The following PYCR3 variants were observed in gnomAD, a reference collection of about 807,000 sequenced individuals.
PYCR3 encodes pyrroline-5-carboxylate reductase 3.
PYCR3 carries 26 observed loss-of-function variants against 23.4 expected under a neutral mutation model. The observed-to-expected ratio is 1.11, with a 90% confidence interval of 0.81 to 1.54. The LOEUF is 1.54. PYCR3 is among the 40% of genes most tolerant of loss of function. The pLI, the probability that PYCR3 is intolerant of heterozygous loss-of-function variation, is 0.00. For synonymous variants in PYCR3, 194 were observed against 162.6 expected (o/e 1.19, Z -1.47); for missense variants, 360 against 376.3 (o/e 0.96, Z 0.36).
intron 5 of PYCR3, 50 bp from the exon 6 acceptor site, chr8:143,605,932 A>C (rs776960199): frequency 6.4e-7 from 1 of 1,573,806 alleles, no homozygotes; most frequent in East Asian, 2.3e-5. Flanking sequence ...TGCGGTCCCC[A>C]CTGTGCGGCC....
At chr8:143,608,429 A>T in intron 1 of PYCR3, 2 of 450,328 alleles carry the variant, frequency 4.4e-6, no homozygotes, top group South Asian at 4.9e-5. Flanking sequence ...GGCTGCCTGG[A>T]GCAGAAGAGG....
In PYCR3 at chr8:143,608,017, A is replaced by G. The variant is rs1252493181; in HGVS notation, c.156+45T>C. ...CTTAGTGGGACAGGAGCCAAGAGCT[A>G]TCCTGGGCTCCTGAGGGTATGAAGA... is the stretch of plus-strand genomic sequence containing the variant. On this transcript the variant is annotated intron_variant, in intron 2 of 5. Transcript: ENST00000495276. The G allele has an allele frequency of 3.0e-5, 44 of 1,443,840 alleles. 2 individuals carry two copies. The Admixed American group carries it at 7.2e-4, about 24-fold the overall frequency. 89.4% of individuals were successfully genotyped at this position (1,443,840 alleles called of 1,614,324 possible).
In PYCR3 at chr8:143,604,695, C is replaced by G. The variant is rs1724013795; in HGVS notation, c.*1005G>C. ...CTGAGGCTGTCCGGCCCGGGCCCTC[C>G]CCACCCAAAGGCCCTAGAACCCTAG... On this transcript the variant is annotated 3_prime_UTR_variant, in exon 6 of 6. Transcript: ENST00000495276. 3.0e-6 allele frequency: 1 copy of G among 331,758 alleles called. No individual in the cohort carries two copies. Among genetic ancestry groups the G allele is most frequent in the Non-Finnish European group, 5.9e-6 (1 of 170,904 alleles). The allele number at this position is 331,758 out of a possible 1,614,324, so 20.6% of individuals were successfully genotyped here.
At chr8:143,606,778 T>C in intron 3 of PYCR3, 99 bp from the exon 4 acceptor site, 1 of 1,371,894 alleles carries the variant, frequency 7.3e-7, no homozygotes, top group Non-Finnish European at 9.9e-7. Flanking sequence ...CAGCTCGCGG[T>C]GGGCTCCAGC....
rs1200318284 is a variant in PYCR3, at chr8:143,609,497, G to T, written c.52C>A (p.Arg18Ser). Residue 18 changes from arginine to serine, a missense_variant, in exon 1 of 6, where the codon CGC becomes AGC. Arg to Ser is a moderately radical substitution (Grantham distance 110). Coordinates refer to ENST00000495276, the MANE Select transcript of PYCR3 (RefSeq NM_023078.6). ...PRRVGFVGAGRMAGAIAQGLI... is the reference protein window; with the variant it reads ...PRRVGFVGAGSMAGAIAQGLI... ...CCCTGCGCGATGGCCCCCGCCATGC[G>T]GCCCGCGCCCACGAAGCCCACGCGC... is the stretch of plus-strand genomic sequence containing the variant. 2 of 1,514,550 alleles carry T rather than the reference G, an allele frequency of 1.3e-6. No homozygotes were observed. The highest frequency in any genetic ancestry group is 4.1e-5 in the Admixed American group (2 of 49,250). 93.8% of individuals were successfully genotyped at this position (1,514,550 alleles called of 1,614,324 possible). A position where few individuals can be genotyped will look rare whatever the true frequency, so the allele number is the denominator to read the frequency against.
At position 143,607,795 on chromosome 8, in the gene PYCR3, ACATATACACACGTG is replaced by A. The variant is rs1554600289; in HGVS notation, c.156+253_156+266del. On this transcript the variant is annotated intron_variant, in intron 2 of 5. Transcript: ENST00000495276. ...TACACACATGCACACGCATAGCCTC[ACATATACACACGTG>A]CATATACACACACTCACGGACATGC... 6.6e-5 allele frequency among the ~76,000 whole-genome samples: 10 copies of A among 152,214 alleles called. No homozygotes were observed. In the East Asian group the frequency reaches 9.7e-4, roughly 15 times the overall value.
rs1829313047 is a variant in PYCR3, at chr8:143,603,744, G to C, written c.*1956C>G. ...GGGGTGACAGCGTGCAGGGGAAACT[G>C]CAATTCCATGCCCTACAAAGCCCCC... On this transcript the variant is annotated 3_prime_UTR_variant, in exon 6 of 6. Coordinates refer to ENST00000495276, the MANE Select transcript of PYCR3 (RefSeq NM_023078.6). 6.6e-6 allele frequency among the ~76,000 whole-genome samples: 1 copy of C among 152,174 alleles called. No homozygotes were observed. The highest frequency in any genetic ancestry group is 2.1e-4 in the South Asian group (1 of 4,832).
chr8:143,604,718 TAG>T lies in PYCR3; in HGVS notation c.*980_*981del, dbSNP rs1829343946. On this transcript the variant is annotated 3_prime_UTR_variant, in exon 6 of 6. Coordinates refer to ENST00000495276, the MANE Select transcript of PYCR3 (RefSeq NM_023078.6). Reference sequence around the variant, plus strand: ...TCCCCACCCAAAGGCCCTAGAACCCTAGCCTTCAATCCTGGGGGTTTGCTTCT... The same window carrying T: ...TCCCCACCCAAAGGCCCTAGAACCCTCCTTCAATCCTGGGGGTTTGCTTCT... 2.8e-6 allele frequency: 1 copy of T among 361,472 alleles called. No homozygotes were observed. The highest frequency in any genetic ancestry group is 2.2e-5 in the African/African-American group (1 of 46,290). 22.4% of individuals were successfully genotyped at this position (361,472 alleles called of 1,614,324 possible). A position where few individuals can be genotyped will look rare whatever the true frequency, so the allele number is the denominator to read the frequency against.
At chr8:143,606,241 C>T (rs1169763546) in intron 4 of PYCR3, 87 bp from the exon 5 acceptor site, 14 of 1,353,008 alleles carry the variant, frequency 1.0e-5, no homozygotes, top group Non-Finnish European at 1.2e-5. Flanking sequence ...GAGCAGTAGC[C>T]GTGGGTGGCC....
Position 143,603,550 on chromosome 8 carries a change from A to G in PYCR3, c.*2150T>C, listed in dbSNP as rs1451118051. 6.6e-6 allele frequency among the ~76,000 whole-genome samples: 1 copy of G among 152,180 alleles called. No individual in the cohort carries two copies. Among genetic ancestry groups the G allele is most frequent in the African/African-American group, 2.4e-5 (1 of 41,444 alleles). Reference sequence around the variant, plus strand: ...TCACCTAGTGCCCAGGGCTTGTCAGAGGTCCCAGGGGGAGACAGGTGTTGG... The same window carrying G: ...TCACCTAGTGCCCAGGGCTTGTCAGGGGTCCCAGGGGGAGACAGGTGTTGG... On this transcript the variant is annotated 3_prime_UTR_variant, in exon 6 of 6. Coordinates refer to ENST00000495276, the MANE Select transcript of PYCR3 (RefSeq NM_023078.6).
rs886438974 is a variant in PYCR3, at chr8:143,603,630, G to C, written c.*2070C>G. On this transcript the variant is annotated 3_prime_UTR_variant, in exon 6 of 6. Coordinates refer to ENST00000495276, the MANE Select transcript of PYCR3 (RefSeq NM_023078.6). The stretch of plus-strand genomic sequence containing the variant: ...GGGCTTGGTGTGAATGCAGGTGGCC[G>C]TCAGAAGGGCTGTCCACCTTCCTTC... Among the ~76,000 whole-genome samples the C allele has an allele frequency of 6.6e-6, 1 of 152,170 alleles. No homozygotes were observed. Among genetic ancestry groups the C allele is most frequent in the Non-Finnish European group, 1.5e-5 (1 of 68,012 alleles).
rs1456866668 is a variant in PYCR3 at position 143,609,365 on chromosome 8, G to A, written c.91+93C>T. 119 of 1,333,164 alleles carry A rather than the reference G, an allele frequency of 8.9e-5. 1 individual carries two copies. In the East Asian group the frequency reaches 2.8e-3, roughly 31 times the overall value. The allele number at this position is 1,333,164 out of a possible 1,614,324, so 82.6% of individuals were successfully genotyped here. A position where few individuals can be genotyped will look rare whatever the true frequency, so the allele number is the denominator to read the frequency against. ...CAGCGGAGCGGAGACCCGGTTGGCT[G>A]GGCCCGCGCCCCCGGCCCCACTCTC... On this transcript the variant is annotated intron_variant, in intron 1 of 5. Transcript: ENST00000495276.
Position 143,606,095 on chromosome 8 carries a change from G to A in PYCR3, c.609C>T (p.Ser203=). 1 of 1,610,916 alleles carries A rather than the reference G, an allele frequency of 6.2e-7. No homozygotes were observed. Among genetic ancestry groups the A allele is most frequent in the Non-Finnish European group, 8.5e-7 (1 of 1,179,196 alleles). Residue 203 remains serine, a synonymous_variant, in exon 5 of 6, where the codon AGC becomes AGT. Coordinates refer to ENST00000495276, the MANE Select transcript of PYCR3 (RefSeq NM_023078.6). ...TCTGGGCAGCGATGCGGTGGGCCAGGCTGCTGGGCATGCCCATCTTGACGG... is the reference window on the plus strand; with the variant it reads ...TCTGGGCAGCGATGCGGTGGGCCAGACTGCTGGGCATGCCCATCTTGACGG... ...EGAVKMGMPS[S]LAHRIAAQTL... is the part of the protein sequence containing the mutation.
chr8:143,607,675 TAC>T (rs922745840), intron 2 of PYCR3, among the ~76,000 whole-genome samples: 2 of 151,932 alleles, frequency 1.3e-5, no homozygotes, highest in Non-Finnish European at 2.9e-5. Flanking sequence ...CATGCACTCA[TAC>T]ACACACGCAC....
In PYCR3 at chr8:143,606,521, C is replaced by G; in HGVS notation, c.495G>C (p.Val165=). ...LLEACGRCEE[V]PEAYVDIHTG... ...TGTGGATGTCGACGTAGGCTTCAGGCACCTCCTCACACCGCCCACAGGCCT... is the reference window on the plus strand; with the variant it reads ...TGTGGATGTCGACGTAGGCTTCAGGGACCTCCTCACACCGCCCACAGGCCT... The change falls in exon 4 of 6, where the codon GTG becomes GTC. Residue 165 remains valine, a synonymous_variant. Coordinates refer to ENST00000495276, the MANE Select transcript of PYCR3 (RefSeq NM_023078.6). 6.2e-7 allele frequency: 1 copy of G among 1,612,904 alleles called. No individual in the cohort carries two copies. The highest frequency in any genetic ancestry group is 8.5e-7 in the Non-Finnish European group (1 of 1,179,984).
At chr8:143,609,178 T>G (rs1829478008) in intron 1 of PYCR3, among the ~76,000 whole-genome samples, 1 of 152,198 alleles carries the variant, frequency 6.6e-6, no homozygotes, top group South Asian at 2.1e-4. Context: ...TGAGAGGGGC[T>G]GGCGCGCAAA....
In PYCR3 at chr8:143,605,819, T is replaced by A; in HGVS notation, c.706A>T (p.Thr236Ser). Residue 236 changes from threonine (T) to serine (S), a missense_variant, in exon 6 of 6, where the codon ACC becomes TCC. Physicochemically the swap from Thr to Ser is moderately conservative, Grantham distance 58 (BLOSUM62 1). Transcript: ENST00000495276. ...CCATAGATGGTGGTGCCACCCGGGG[T>A]GCACACGTCTGAGCGCAGCTGGGCT... ...HPAQLRSDVC[T>S]PGGTTIYGLH... The A allele has an allele frequency of 3.1e-6, 5 of 1,611,912 alleles. No homozygotes were observed. Among genetic ancestry groups the A allele is most frequent in the Non-Finnish European group, 4.2e-6 (5 of 1,179,606 alleles).
In PYCR3 at chr8:143,605,539, T is replaced by C. The variant is rs1829368909; in HGVS notation, c.*161A>G. 8 of 689,590 alleles carry C rather than the reference T, an allele frequency of 1.2e-5. No individual in the cohort carries two copies. Among genetic ancestry groups the C allele is most frequent in the Middle Eastern group, 4.1e-4 (1 of 2,422 alleles). The allele number at this position is 689,590 out of a possible 1,614,324, so 42.7% of individuals were successfully genotyped here. On this transcript the variant is annotated 3_prime_UTR_variant, in exon 6 of 6. Transcript: ENST00000495276. ...CCCCACTGGTCGGGGCTCCCCCGCCTGCTGGAACCTCCCAAGTCCTGCCCC... is the reference window on the plus strand; with the variant it reads ...CCCCACTGGTCGGGGCTCCCCCGCCCGCTGGAACCTCCCAAGTCCTGCCCC...
chr8:143,604,753 G>A lies in PYCR3; in HGVS notation c.*947C>T, dbSNP rs969483282. On this transcript the variant is annotated 3_prime_UTR_variant, in exon 6 of 6. Transcript: ENST00000495276. Reference sequence around the variant, plus strand: ...TCCTGGGGGTTTGCTTCTCCCCTGAGTCCTGGCTTTCCTGACCTGCCGTCC... The same window carrying A: ...TCCTGGGGGTTTGCTTCTCCCCTGAATCCTGGCTTTCCTGACCTGCCGTCC... 16 of 403,218 alleles carry A rather than the reference G, an allele frequency of 4.0e-5. 1 individual carries two copies. The East Asian group carries it at 9.7e-4, about 25-fold the overall frequency. The allele number at this position is 403,218 out of a possible 1,614,324, so 25.0% of individuals were successfully genotyped here.
Sources: allele counts gnomAD v4.1 joint callset (sites outside exome capture counted in the v4.1 genomes callset), GRCh38; gene constraint gnomAD v4.1.1; transcripts MANE v1.5; gene names NCBI Gene and HGNC (gene_info 2026-07-23, HGNC 2026-07-21).